The following VWA1 variants were observed in gnomAD, a reference collection of about 807,000 sequenced individuals.
VWA1 encodes the protein von Willebrand factor A domain-containing protein 1.
Under a neutral mutation model 14.9 loss-of-function variants are expected in VWA1, and 12 were observed. The observed-to-expected ratio is 0.80, with a 90% CI of 0.52 to 1.30. The LOEUF is 1.30. Ranked by LOEUF, VWA1 falls within the 50% of genes most tolerant of loss-of-function variation. The pLI is 0.00. For synonymous variants in VWA1, 368 were observed against 310.7 expected, an observed-to-expected ratio of 1.18 and a Z score of -1.94; for missense variants, 800 against 649.1, an observed-to-expected ratio of 1.23 and a Z score of -2.53.
In VWA1 at chr1:1,439,096, A is replaced by G; in HGVS notation, c.647A>G (p.Gln216Arg). 3.1e-6 allele frequency: 5 copies of G among 1,599,054 alleles called. No individual in the cohort carries two copies. Among genetic ancestry groups the G allele is most frequent in the Non-Finnish European group, 2.5e-6 (3 of 1,179,410 alleles). The change falls in exon 3 of 3, where the codon CAG (glutamine) becomes CGG (arginine). Residue 216 changes from glutamine (Q) to arginine (R), a missense_variant. By Grantham distance (43) the Gln-to-Arg change is conservative. Transcript: ENST00000476993. ...CCACCCACAGACGCGATGCGGCCGC[A>G]GCAGCTCCATGCCACGGAGATCACG... is the stretch of plus-strand genomic sequence containing the variant. Reference protein sequence around the residue: ...RGSILDAMRPQQLHATEITSS... With the variant: ...RGSILDAMRPRQLHATEITSS...
Position 1,439,328 on chromosome 1 carries a change from G to T in VWA1, c.879G>T (p.Arg293Ser). Reference sequence around the variant, plus strand: ...CTGAGTCCAACGTGCGCCTCCTGAGGCCCCAGATCCTGCGGGTGCGCACGC... The same window carrying T: ...CTGAGTCCAACGTGCGCCTCCTGAGTCCCCAGATCCTGCGGGTGCGCACGC... ...LVPESNVRLLRPQILRVRTRP... is the reference protein window; with the variant it reads ...LVPESNVRLLSPQILRVRTRP... Residue 293 changes from arginine to serine, a missense_variant, in exon 3 of 3, where the codon AGG becomes AGT. By Grantham distance (110) the Arg-to-Ser change is moderately radical. Coordinates refer to ENST00000476993, the MANE Select transcript of VWA1 (RefSeq NM_022834.5). The T allele has an allele frequency of 6.3e-7, 1 of 1,580,106 alleles. No individual in the cohort carries two copies.
intron 2 of VWA1, 75 bp from the exon 3 acceptor site, chr1:1,439,006 C>T: frequency 1.3e-6 from 2 of 1,496,750 alleles, no homozygotes; most frequent in Non-Finnish European, 1.8e-6. Context: ...CAGATCTTCC[C>T]CATCAGCCAG....
chr1:1,435,888 C>G (rs1220765803), intron 1 of VWA1, 67 bp downstream of exon 1: 21 of 497,904 alleles, frequency 4.2e-5, no homozygotes, highest in Non-Finnish European at 4.7e-5. Flanking sequence ...GCTGCCCGCG[C>G]AAGGCCGTCG....
At chr1:1,437,518 A>G (rs1218115376) in intron 2 of VWA1, 34 bp downstream of exon 2, 2 of 1,569,688 alleles carry the variant, frequency 1.3e-6, no homozygotes, top group African/African-American at 2.7e-5. Flanking sequence ...AGGGAGCCCT[A>G]GCTGGGAGCC....
Position 1,437,492 on chromosome 1 carries a change from G to C in VWA1, c.631+8G>C. ...TGAGGGGCTCCATTCTCGGTATGCG[G>C]GAGGAGGCAGGGCCCAGGGAGCCCT... On this transcript the variant is annotated splice_region_variant and intron_variant, in intron 2 of 2. Coordinates refer to ENST00000476993, the MANE Select transcript of VWA1 (RefSeq NM_022834.5). 6.3e-7 allele frequency: 1 copy of C among 1,593,472 alleles called. No individual in the cohort carries two copies. The highest frequency in any genetic ancestry group is 1.3e-5 in the African/African-American group (1 of 74,700).
chr1:1,439,358 C>G lies in VWA1; in HGVS notation c.909C>G (p.Pro303=), dbSNP rs746462266. Residue 303 remains proline (P), a synonymous_variant, in exon 3 of 3, where the codon CCC becomes CCG. Coordinates refer to ENST00000476993, the MANE Select transcript of VWA1 (RefSeq NM_022834.5). ...AGATCCTGCGGGTGCGCACGCGGCC[C>G]GGTGAGGCAGGGCCGGGGGCTTCGG... The part of the protein sequence containing the change: ...RPQILRVRTR[P]GEAGPGASGP... 20 of 1,542,702 alleles carry G rather than the reference C, an allele frequency of 1.3e-5. No individual in the cohort carries two copies. The highest frequency in any genetic ancestry group is 1.9e-5 in the Admixed American group (1 of 51,758).
At chr1:1,438,101 C>T (rs761763149) in intron 2 of VWA1, among the ~76,000 whole-genome samples, 2 of 152,200 alleles carry the variant, frequency 1.3e-5, no homozygotes, top group Non-Finnish European at 2.9e-5. Context: ...GATGAGGAAC[C>T]GGCCACTGGC....
rs886972272 is a variant in VWA1 at position 1,439,375 on chromosome 1, G to A, written c.926G>A (p.Gly309Glu). 3 of 1,506,592 alleles carry A rather than the reference G, an allele frequency of 2.0e-6. No homozygotes were observed. Among genetic ancestry groups the A allele is most frequent in the Non-Finnish European group, 2.6e-6 (3 of 1,134,132 alleles). The allele number at this position is 1,506,592 out of a possible 1,614,324, so 93.3% of individuals were successfully genotyped here. A position where few individuals can be genotyped will look rare whatever the true frequency, so the allele number is the denominator to read the frequency against. Residue 309 changes from glycine to glutamate, a missense_variant, in exon 3 of 3, where the codon GGG (glycine) becomes GAG (glutamate). Coordinates refer to ENST00000476993, the MANE Select transcript of VWA1 (RefSeq NM_022834.5). ...VRTRPGEAGP[G>E]ASGPESGAGP... is the part of the protein sequence containing the mutation. ...ACGCGGCCCGGTGAGGCAGGGCCGG[G>A]GGCTTCGGGCCCGGAGTCGGGGGCT...
At position 1,439,979 on chromosome 1, in the gene VWA1, G is replaced by A. The variant is rs937231295; in HGVS notation, c.*192G>A. The A allele has an allele frequency of 1.6e-6, 1 of 621,742 alleles. No homozygotes were observed. Among genetic ancestry groups the A allele is most frequent in the East Asian group, 1.1e-4 (1 of 8,970 alleles). The allele number at this position is 621,742 out of a possible 1,614,324, so 38.5% of individuals were successfully genotyped here. A position where few individuals can be genotyped will look rare whatever the true frequency, so the allele number is the denominator to read the frequency against. On this transcript the variant is annotated 3_prime_UTR_variant, in exon 3 of 3. Transcript: ENST00000476993. ...CCTGGCGCCTGCCCTCCAGGGCTGGGGCCTCGCCTGGCGGGACCCCGCAGC... is the reference window on the plus strand; with the variant it reads ...CCTGGCGCCTGCCCTCCAGGGCTGGAGCCTCGCCTGGCGGGACCCCGCAGC...
At position 1,436,948 on chromosome 1, in the gene VWA1, G is replaced by C. The variant is rs376449591; in HGVS notation, c.95G>C (p.Arg32Pro). The C allele has an allele frequency of 1.2e-6, 2 of 1,608,338 alleles. No individual in the cohort carries two copies. Among genetic ancestry groups the C allele is most frequent in the African/African-American group, 1.3e-5 (1 of 74,856 alleles). ...AERGPPASAP[R>P]GDLMFLLDSS... ...CCAGGTCCACCAGCATCAGCCCCCC[G>C]AGGGGACCTGATGTTCCTGCTGGAC... Residue 32 changes from arginine to proline, a missense_variant, in exon 2 of 3, where the codon CGA (arginine) becomes CCA (proline). Coordinates refer to ENST00000476993, the MANE Select transcript of VWA1 (RefSeq NM_022834.5).
In VWA1 at chr1:1,437,194, G is replaced by A. The variant is rs745344019; in HGVS notation, c.341G>A (p.Gly114Asp). ...SAQRMGDTHT[G>D]LALVYAKEQL... ...CAGCGCATGGGTGACACCCACACTG[G>A]CCTGGCGCTGGTCTATGCCAAGGAA... is the stretch of plus-strand genomic sequence containing the variant. The change falls in exon 2 of 3, where the codon GGC becomes GAC. Residue 114 changes from glycine to aspartate, a missense_variant. Physicochemically the swap from Gly to Asp is moderately conservative, Grantham distance 94. Transcript: ENST00000476993. 25 of 1,611,766 alleles carry A rather than the reference G, an allele frequency of 1.6e-5. No homozygotes were observed. Among genetic ancestry groups the A allele is most frequent in the Non-Finnish European group, 2.0e-5 (24 of 1,179,592 alleles).
chr1:1,439,074 C>T lies in VWA1; in HGVS notation c.632-7C>T. On this transcript the variant is annotated splice_region_variant and splice_polypyrimidine_tract_variant and intron_variant, in intron 2 of 2. Coordinates refer to ENST00000476993, the MANE Select transcript of VWA1 (RefSeq NM_022834.5). ...CGCTGTTCCCTGACCCCCTGCACCA[C>T]CCACAGACGCGATGCGGCCGCAGCA... 1 of 1,596,844 alleles carries T rather than the reference C, an allele frequency of 6.3e-7. No homozygotes were observed. The highest frequency in any genetic ancestry group is 8.5e-7 in the Non-Finnish European group (1 of 1,178,874).
rs1169941796 is a variant in VWA1 at position 1,439,490 on chromosome 1, C to G, written c.1041C>G (p.Ser347Arg). ...RIVISHARPR[S>R]LRVSWAPALG... ...TCATCTCCCACGCCCGGCCGCGCAG[C>G]CTCCGCGTGAGTTGGGCCCCAGCGC... Residue 347 changes from serine (S) to arginine (R), a missense_variant, in exon 3 of 3, where the codon AGC becomes AGG. Ser to Arg is a moderately radical substitution (Grantham distance 110). Coordinates refer to ENST00000476993, the MANE Select transcript of VWA1 (RefSeq NM_022834.5). The G allele has an allele frequency of 4.2e-6, 6 of 1,416,494 alleles. 1 individual carries two copies. Among genetic ancestry groups the G allele is most frequent in the South Asian group, 1.4e-5 (1 of 72,310 alleles). 87.7% of individuals were successfully genotyped at this position (1,416,494 alleles called of 1,614,324 possible).
chr1:1,439,721 C>T lies in VWA1; in HGVS notation c.1272C>T (p.Gly424=), dbSNP rs1638622450. 3 of 1,132,072 alleles carry T rather than the reference C, an allele frequency of 2.7e-6. No homozygotes were observed. Among genetic ancestry groups the T allele is most frequent in the Non-Finnish European group, 2.2e-6 (2 of 923,274 alleles). 70.1% of individuals were successfully genotyped at this position (1,132,072 alleles called of 1,614,324 possible). The part of the protein sequence containing the change: ...ALSAKACTPD[G]PRPRPRPVPR... ...CCGCCAAGGCCTGCACGCCCGACGG[C>T]CCGCGCCCGCGCCCACGCCCCGTGC... is the stretch of plus-strand genomic sequence containing the variant. The change falls in exon 3 of 3, where the codon GGC becomes GGT. Residue 424 remains glycine (G), a synonymous_variant. Transcript: ENST00000476993.
rs749057843 is a variant in VWA1 at position 1,437,071 on chromosome 1, C to T, written c.218C>T (p.Ala73Val). The T allele has an allele frequency of 1.9e-6, 3 of 1,609,066 alleles. No individual in the cohort carries two copies. Among genetic ancestry groups the T allele is most frequent in the African/African-American group, 1.3e-5 (1 of 74,918 alleles). ...PLPLGTGALR[A>V]SLVHVGSRPY... is the part of the protein sequence containing the mutation. ...CCCCTGGGCACCGGGGCCCTGCGTG[C>T]CAGTCTGGTGCACGTGGGCAGTCGG... Residue 73 changes from alanine to valine, a missense_variant, in exon 2 of 3, where the codon GCC becomes GTC. By Grantham distance (64) the Ala-to-Val change is moderately conservative. Transcript: ENST00000476993.
Position 1,439,507 on chromosome 1 carries a change from C to A in VWA1, c.1058C>A (p.Ala353Asp). Reference protein sequence around the residue: ...ARPRSLRVSWAPALGSAAALG... With the variant: ...ARPRSLRVSWDPALGSAAALG... Reference sequence around the variant, plus strand: ...CCGCGCAGCCTCCGCGTGAGTTGGGCCCCAGCGCTGGGCTCAGCCGCGGCG... The same window carrying A: ...CCGCGCAGCCTCCGCGTGAGTTGGGACCCAGCGCTGGGCTCAGCCGCGGCG... The change falls in exon 3 of 3, where the codon GCC becomes GAC. Residue 353 changes from alanine to aspartate, a missense_variant. Coordinates refer to ENST00000476993, the MANE Select transcript of VWA1 (RefSeq NM_022834.5). 1 of 1,405,960 alleles carries A rather than the reference C, an allele frequency of 7.1e-7. No individual in the cohort carries two copies. The highest frequency in any genetic ancestry group is 9.2e-7 in the Non-Finnish European group (1 of 1,083,378). 87.1% of individuals were successfully genotyped at this position (1,405,960 alleles called of 1,614,324 possible). A position where few individuals can be genotyped will look rare whatever the true frequency, so the allele number is the denominator to read the frequency against.
rs752072111 is a variant in VWA1, at chr1:1,439,193, GC to G, written c.747del (p.Ser250AlafsTer34). The G allele has an allele frequency of 6.2e-7, 1 of 1,606,066 alleles. No individual in the cohort carries two copies. Among genetic ancestry groups the G allele is most frequent in the South Asian group, 1.1e-5 (1 of 90,908 alleles). ...DSGYYVLELVPSAQPGAARRQ... is the reference protein window; with the variant it reads ...DSGYYVLELVXSAQPGAARRQ... ...CGGGCTACTATGTGCTGGAGCTGGT[GC>G]CCAGCGCCCAGCCGGGGGCTGCAAG... is the stretch of plus-strand genomic sequence containing the variant. On this transcript the variant is annotated frameshift_variant, in exon 3 of 3. Coordinates refer to ENST00000476993, the MANE Select transcript of VWA1 (RefSeq NM_022834.5). LOFTEE classifies it low-confidence loss of function (END_TRUNC).
rs1291035782 is a variant in VWA1, at chr1:1,441,242, G to A, written c.*1455G>A. ...CTTCGGGACAGCTGGCCTTGGCACCGTCTCCCAAGAACCCAGCTCTGTGCA... is the reference window on the plus strand; with the variant it reads ...CTTCGGGACAGCTGGCCTTGGCACCATCTCCCAAGAACCCAGCTCTGTGCA... On this transcript the variant is annotated 3_prime_UTR_variant, in exon 3 of 3. Transcript: ENST00000476993. The A allele has an allele frequency of 1.3e-5, 2 of 152,252 alleles. No individual in the cohort carries two copies. Among genetic ancestry groups the A allele is most frequent in the Admixed American group, 6.5e-5 (1 of 15,282 alleles). The allele number at this position is 152,252 out of a possible 1,614,324, so 9.4% of individuals were successfully genotyped here. A position where few individuals can be genotyped will look rare whatever the true frequency, so the allele number is the denominator to read the frequency against.
In VWA1 at chr1:1,438,960, C is replaced by T. The variant is rs1638599632; in HGVS notation, c.632-121C>T. ...CATGGCTCCAGCAGCTCCTTGGCCG[C>T]GGGGCCCCGTCTTTCCTAGTGGGGC... On this transcript the variant is annotated intron_variant, in intron 2 of 2. Transcript: ENST00000476993. The T allele has an allele frequency of 1.2e-5, 17 of 1,419,498 alleles. No homozygotes were observed. The South Asian group carries it at 2.1e-4, about 17-fold the overall frequency. 87.9% of individuals were successfully genotyped at this position (1,419,498 alleles called of 1,614,324 possible).
Sources: allele counts gnomAD v4.1 joint callset (sites outside exome capture counted in the v4.1 genomes callset), GRCh38; gene constraint gnomAD v4.1.1; transcripts MANE v1.5; gene names NCBI Gene and HGNC (gene_info 2026-07-23, HGNC 2026-07-21).